The following RRAS2 variants were observed in gnomAD, a reference collection of about 807,000 sequenced individuals.
RRAS2 encodes the protein RAS related 2.
Under a neutral mutation model 27.6 loss-of-function variants are expected in RRAS2, and 7 were observed. The observed-to-expected ratio is 0.25, with a 90% CI of 0.14 to 0.48. The LOEUF is 0.48. Among genes scored for constraint, RRAS2 ranks in the 20% least tolerant of loss-of-function variants. The pLI is 0.99. For missense variants in RRAS2, 178 were observed against 256.2 expected (o/e 0.69, Z 2.08); for synonymous variants, 86 against 90.9 (o/e 0.95, Z 0.31).
intron 1 of RRAS2, among the ~76,000 whole-genome samples, chr11:14,300,165 G>C (rs1350927278): frequency 6.6e-6 from 1 of 152,208 alleles, no homozygotes; most frequent in African/African-American, 2.4e-5. Context: ...GTGGAGGATG[G>C]AGAGAGCACA....
intron 1 of RRAS2, among the ~76,000 whole-genome samples, chr11:14,340,715 A>G: frequency 6.6e-6 from 1 of 152,196 alleles, no homozygotes; most frequent in African/African-American, 2.4e-5. Context: ...AATTTACACC[A>G]TGAGTTAATT....
chr11:14,301,757 TCA>T (rs1410117538), intron 1 of RRAS2, among the ~76,000 whole-genome samples: 1 of 152,084 alleles, frequency 6.6e-6, no homozygotes, highest in Non-Finnish European at 1.5e-5. Flanking sequence ...GGCAAGTGGA[TCA>T]CCTGAGGTCA....
intron 1 of RRAS2, among the ~76,000 whole-genome samples, chr11:14,333,654 CT>C (rs34065159): frequency 0.28 from 40,576 of 144,174 alleles, 5,873 homozygotes; most frequent in South Asian, 0.41. Context: ...CACCCTGCCC[CT>C]TTTTTTTTGG....
At chr11:14,293,124 A>AATATATATAT (rs781860601) in intron 4 of RRAS2, among the ~76,000 whole-genome samples, 2,631 of 76,432 alleles carry the variant, frequency 0.034, 124 homozygotes, top group Non-Finnish European at 0.04. Context: ...AAACAAAACA[A>AATATATATAT]ATATATATAT....
intron 1 of RRAS2, among the ~76,000 whole-genome samples, chr11:14,296,391 T>A (rs571267926): frequency 6.6e-6 from 1 of 152,282 alleles, no homozygotes; most frequent in African/African-American, 2.4e-5. Flanking sequence ...GTACTAGGTA[T>A]CTCTAAATTT....
chr11:14,308,724 A>C (rs1554948442), intron 1 of RRAS2, among the ~76,000 whole-genome samples: 2 of 152,210 alleles, frequency 1.3e-5, no homozygotes, highest in African/African-American at 4.8e-5. Flanking sequence ...CACTTTCAAG[A>C]GTTTTTTACA....
At chr11:14,340,156 T>C (rs1848673969) in intron 1 of RRAS2, among the ~76,000 whole-genome samples, 1 of 137,076 alleles carries the variant, frequency 7.3e-6, no homozygotes, top group South Asian at 2.7e-4. Flanking sequence ...TGGAGTGTAG[T>C]GGCGCGACCT....
chr11:14,356,027 G>A (rs1849065789), intron 1 of RRAS2, among the ~76,000 whole-genome samples: 1 of 152,164 alleles, frequency 6.6e-6, no homozygotes, highest in African/African-American at 2.4e-5. Flanking sequence ...ACTGTTCTAA[G>A]CCCTTGACAT....
At chr11:14,304,524 T>TA (rs781871531) in intron 1 of RRAS2, among the ~76,000 whole-genome samples, 6 of 152,256 alleles carry the variant, frequency 3.9e-5, no homozygotes, top group African/African-American at 1.2e-4. Flanking sequence ...TAAAATGAAT[T>TA]AGAGTTCCAG....
chr11:14,342,898 T>C (rs555767392), intron 1 of RRAS2, among the ~76,000 whole-genome samples: 204 of 152,332 alleles, frequency 1.3e-3, no homozygotes, highest in African/African-American at 4.7e-3. Context: ...TAATTCATTT[T>C]GGCACTACTC....
intron 1 of RRAS2, among the ~76,000 whole-genome samples, chr11:14,340,410 T>G (rs1848679221): frequency 6.6e-6 from 1 of 151,936 alleles, no homozygotes; most frequent in African/African-American, 2.4e-5. Flanking sequence ...CAAAAAAAAG[T>G]ATTCTGAGAA....
intron 1 of RRAS2, among the ~76,000 whole-genome samples, chr11:14,342,834 C>A (rs1848745289): frequency 6.6e-6 from 1 of 152,068 alleles, no homozygotes; most frequent in Non-Finnish European, 1.5e-5. Context: ...TTCACAACTG[C>A]AACTTTAATT....
chr11:14,296,134 T>G (rs1198934809), intron 1 of RRAS2, among the ~76,000 whole-genome samples: 1 of 151,996 alleles, frequency 6.6e-6, no homozygotes, highest in African/African-American at 2.4e-5. Context: ...GAACCATGAT[T>G]GTGCCACTGT....
rs192209387 is a variant in RRAS2 at position 14,286,982 on chromosome 11, G to A, written c.409-5262C>T. On this transcript the variant is annotated intron_variant, in intron 4 of 5. Transcript: ENST00000256196. ...CCTTCATATAAAATACCCCTATGCC[G>A]TCACAAATTCTGTTTCTTCTTCCTG... Among the ~76,000 whole-genome samples the A allele has an allele frequency of 1.1e-3, 171 of 152,210 alleles. 1 individual carries two copies. The highest frequency in any genetic ancestry group is 5.2e-3 in the East Asian group (27 of 5,182).
At chr11:14,282,792 G>A (rs1201656254) in intron 4 of RRAS2, among the ~76,000 whole-genome samples, 1 of 152,070 alleles carries the variant, frequency 6.6e-6, no homozygotes, top group Non-Finnish European at 1.5e-5. Context: ...TCATACTCTG[G>A]AAGCATTCTG....
At position 14,281,561 on chromosome 11, in the gene RRAS2, G is replaced by C. The variant is rs186912807; in HGVS notation, c.527+41C>G. ...ATATCCTTACTAAAAACATTTAATA[G>C]TAATTTATTAAAACACACATCTAGA... On this transcript the variant is annotated intron_variant, in intron 5 of 5. Coordinates refer to ENST00000256196, the MANE Select transcript of RRAS2 (RefSeq NM_012250.6). 133 of 1,446,754 alleles carry C rather than the reference G, an allele frequency of 9.2e-5. No individual in the cohort carries two copies. The East Asian group carries it at 2.9e-3, about 32-fold the overall frequency. The allele number at this position is 1,446,754 out of a possible 1,614,324, so 89.6% of individuals were successfully genotyped here.
intron 4 of RRAS2, among the ~76,000 whole-genome samples, chr11:14,294,033 G>GA (rs556255389): frequency 4.3e-4 from 66 of 152,072 alleles, no homozygotes; most frequent in Non-Finnish European, 8.2e-4. Flanking sequence ...AAGTGACTTA[G>GA]AAAAAAATCC....
At chr11:14,318,548 T>C (rs1384350727) in intron 1 of RRAS2, among the ~76,000 whole-genome samples, 1 of 150,494 alleles carries the variant, frequency 6.6e-6, no homozygotes, top group African/African-American at 2.4e-5. Flanking sequence ...TGCCCAGGGA[T>C]GAGATGGCAC....
At chr11:14,347,417 C>A (rs781946169) in intron 1 of RRAS2, among the ~76,000 whole-genome samples, 1 of 152,018 alleles carries the variant, frequency 6.6e-6, no homozygotes, top group Admixed American at 6.6e-5. Flanking sequence ...AAAAAATGTA[C>A]GAAAGGAGTG....
Sources: allele counts gnomAD v4.1 joint callset (sites outside exome capture counted in the v4.1 genomes callset), GRCh38; gene constraint gnomAD v4.1.1; transcripts MANE v1.5; gene names NCBI Gene and HGNC (gene_info 2026-07-23, HGNC 2026-07-21).